Variants in IDE observed in about 807,000 individuals in gnomAD.
IDE encodes the protein insulin-degrading enzyme.
In IDE, 58 loss-of-function variants were observed where a neutral mutation model predicts 133.2. The observed-to-expected ratio is 0.44, with a 90% confidence interval of 0.35 to 0.54. The LOEUF (loss-of-function observed/expected upper bound fraction) is 0.54, where lower values mean the gene tolerates loss of function less well. Ranked by LOEUF, IDE falls within the 20% of genes least tolerant of loss-of-function variation. The pLI is 0.00. For synonymous variants in IDE, 396 were observed against 421.3 expected (o/e 0.94, Z 0.73); for missense variants, 981 against 1,234.0 (o/e 0.79, Z 3.07).
chr10:92,546,477 T>C (rs148761196), intron 1 of IDE, among the ~76,000 whole-genome samples: 12 of 152,220 alleles, frequency 7.9e-5, no homozygotes, highest in African/African-American at 2.6e-4. Context: ...CCAAAAATCA[T>C]CCTGGAAATA....
chr10:92,479,536 G>T, intron 14 of IDE, 115 bp from the exon 15 acceptor site: 1 of 787,118 alleles, frequency 1.3e-6, no homozygotes, highest in Non-Finnish European at 2.1e-6. Context: ...CTGAGGATAT[G>T]GTTGAATTCT....
chr10:92,454,345 T>C lies in IDE; in HGVS notation c.*99A>G, dbSNP rs1844880185. On this transcript the variant is annotated 3_prime_UTR_variant, in exon 25 of 25. Coordinates refer to ENST00000265986, the MANE Select transcript of IDE (RefSeq NM_004969.4). ...GACAATTTTTTGTTTGTTTCTCTAATAGTGAATCAGAAACTATTAAAGTGG... is the reference window on the plus strand; with the variant it reads ...GACAATTTTTTGTTTGTTTCTCTAACAGTGAATCAGAAACTATTAAAGTGG... The C allele has an allele frequency of 7.6e-6, 6 of 794,644 alleles. No homozygotes were observed. Among genetic ancestry groups the C allele is most frequent in the Non-Finnish European group, 1.1e-5 (5 of 458,608 alleles). 49.2% of individuals were successfully genotyped at this position (794,644 alleles called of 1,614,324 possible).
intron 17 of IDE, 100 bp downstream of exon 17, chr10:92,474,741 A>G: frequency 1.9e-6 from 2 of 1,062,120 alleles, no homozygotes; most frequent in Non-Finnish European, 2.7e-6. Flanking sequence ...TAATAGAACT[A>G]CAAGTTATTT....
intron 4 of IDE, among the ~76,000 whole-genome samples, chr10:92,520,927 G>A (rs146873455): frequency 8.7e-4 from 133 of 152,194 alleles, no homozygotes; most frequent in African/African-American, 3.1e-3. Flanking sequence ...ATGATTACAT[G>A]GACTAAAATA....
chr10:92,510,944 GAGTT>G (rs1217827049), intron 5 of IDE, among the ~76,000 whole-genome samples: 1 of 151,120 alleles, frequency 6.6e-6, no homozygotes, highest in African/African-American at 2.4e-5. Flanking sequence ...AACAAGAAAT[GAGTT>G]AGATCTTTGA....
chr10:92,550,107 G>C (rs907000252), intron 1 of IDE, among the ~76,000 whole-genome samples: 4 of 152,038 alleles, frequency 2.6e-5, no homozygotes, highest in African/African-American at 9.7e-5. Flanking sequence ...AGTGGAGGTC[G>C]CAGCAAGCTG....
intron 13 of IDE, among the ~76,000 whole-genome samples, chr10:92,484,883 C>T (rs1159312822): frequency 1.3e-5 from 2 of 151,910 alleles, no homozygotes; most frequent in African/African-American, 4.8e-5. Context: ...AGTGAGATCC[C>T]ACCTCTACAA....
rs1169779203 is a variant in IDE at position 92,572,902 on chromosome 10, C to CA, written c.98+1019dup. ...CCCATACTACCCATCTTCTGACCCT[C>CA]ATCAACACACCCTTGTAGCTATCTC... On this transcript the variant is annotated intron_variant, in intron 1 of 24. Transcript: ENST00000265986. 5.1e-6 allele frequency: 5 copies of CA among 985,216 alleles called. No individual in the cohort carries two copies. The African/African-American group carries it at 7.0e-5, about 14-fold the overall frequency. 61.0% of individuals were successfully genotyped at this position (985,216 alleles called of 1,614,324 possible).
intron 11 of IDE, among the ~76,000 whole-genome samples, chr10:92,496,883 T>G (rs182764524): frequency 6.6e-6 from 1 of 152,202 alleles, no homozygotes; most frequent in South Asian, 2.1e-4. Flanking sequence ...AACAGAATCA[T>G]TGTCCATCAT....
In IDE at chr10:92,537,558, G is replaced by A; in HGVS notation, c.99-8C>T. The A allele has an allele frequency of 6.4e-7, 1 of 1,574,348 alleles. No homozygotes were observed. On this transcript the variant is annotated splice_region_variant and splice_polypyrimidine_tract_variant and intron_variant, in intron 1 of 24. Transcript: ENST00000265986. ...TAAGTCTTTTTTTGGAAACTGAAAAGAAAGAGATTTTTAATTGTTGATTTG... is the reference window on the plus strand; with the variant it reads ...TAAGTCTTTTTTTGGAAACTGAAAAAAAAGAGATTTTTAATTGTTGATTTG...
In IDE at chr10:92,534,597, G is replaced by C. The variant is rs1056004069; in HGVS notation, c.472C>G (p.Leu158Val). 3 of 1,612,404 alleles carry C rather than the reference G, an allele frequency of 1.9e-6. No homozygotes were observed. The highest frequency in any genetic ancestry group is 2.5e-6 in the Non-Finnish European group (3 of 1,178,786). The change falls in exon 3 of 25, where the codon CTA becomes GTA. Residue 158 changes from leucine to valine, a missense_variant. Transcript: ENST00000265986. ...NYYFDVSHEH[L>V]EGALDRFAQF... The stretch of plus-strand genomic sequence containing the variant: ...CATTACCTGTCTAGGGCACCTTCTA[G>C]GTGTTCATGAGAAACATCAAAATAG...
chr10:92,483,337 C>T lies in IDE; in HGVS notation c.1657G>A (p.Asp553Asn). Residue 553 changes from aspartate (D) to asparagine (N), a missense_variant and splice_region_variant, in exon 14 of 25, where the codon GAT (aspartate) becomes AAT (asparagine). This residue lies in a region of IDE where 660 missense variants were observed against 894.7 expected (regional missense o/e 0.74). Coordinates refer to ENST00000265986, the MANE Select transcript of IDE (RefSeq NM_004969.4). Reference sequence around the variant, plus strand: ...AACCAAAGTTTGCTCATAGCTGTATCCTGTGATGGAGAAACAATTTGGTTA... The same window carrying T: ...AACCAAAGTTTGCTCATAGCTGTATTCTGTGATGGAGAAACAATTTGGTTA... ...EATPYPALIKDTAMSKLWFKQ... is the reference protein window; with the variant it reads ...EATPYPALIKNTAMSKLWFKQ... 2.5e-6 allele frequency: 4 copies of T among 1,583,392 alleles called. No individual in the cohort carries two copies. Among genetic ancestry groups the T allele is most frequent in the South Asian group, 2.2e-5 (2 of 90,050 alleles).
At chr10:92,510,763 TATGATATATAGCACATACATCTCAC>T (rs751992503) in intron 5 of IDE, among the ~76,000 whole-genome samples, 53 of 122,672 alleles carry the variant, frequency 4.3e-4, no homozygotes, top group African/African-American at 1.1e-3. Context: ...ATCTCACATA[TATGATATATAGCACATACATCTCAC>T]ATGATATATA....
At position 92,508,817 on chromosome 10, in the gene IDE, T is replaced by G. The variant is rs572543538; in HGVS notation, c.971A>C (p.Lys324Thr). 6.2e-7 allele frequency: 1 copy of G among 1,613,034 alleles called. No individual in the cohort carries two copies. The highest frequency in any genetic ancestry group is 8.5e-7 in the Non-Finnish European group (1 of 1,179,074). ...YVTFPIPDLQ[K>T]YYKSNPGHYL... ...ATGACCAGGATTTGATTTGTAGTAT[T>G]TCTGAAGGTCAGGTATGGGAAATGT... Residue 324 changes from lysine to threonine, a missense_variant, in exon 7 of 25, where the codon AAA (lysine) becomes ACA (threonine). Lys to Thr is a moderately conservative substitution (Grantham distance 78, BLOSUM62 -1). Coordinates refer to ENST00000265986, the MANE Select transcript of IDE (RefSeq NM_004969.4).
rs149993850 is a variant in IDE at position 92,571,452 on chromosome 10, C to T, written c.98+2470G>A. On this transcript the variant is annotated intron_variant, in intron 1 of 24. Transcript: ENST00000265986. ...AAAGCTTGAATGTTGATAGTCCCAA[C>T]TGACATACCACTGTTTCCTAAGCCT... Among the ~76,000 whole-genome samples, 74 of 152,326 alleles carry T rather than the reference C, an allele frequency of 4.9e-4. 1 individual carries two copies. In the East Asian group the frequency reaches 0.011, roughly 22 times the overall value.
chr10:92,474,679 T>C, intron 17 of IDE, 162 bp downstream of exon 17: 1 of 584,728 alleles, frequency 1.7e-6, no homozygotes, highest in Non-Finnish European at 3.0e-6. Flanking sequence ...TACTGTTAAC[T>C]ATAGCCATCC....
chr10:92,454,370 G>A lies in IDE; in HGVS notation c.*74C>T. 2 of 997,988 alleles carry A rather than the reference G, an allele frequency of 2.0e-6. No individual in the cohort carries two copies. Among genetic ancestry groups the A allele is most frequent in the Non-Finnish European group, 3.2e-6 (2 of 622,246 alleles). The allele number at this position is 997,988 out of a possible 1,614,324, so 61.8% of individuals were successfully genotyped here. A position where few individuals can be genotyped will look rare whatever the true frequency, so the allele number is the denominator to read the frequency against. ...TAGTGAATCAGAAACTATTAAAGTGGCCAAGATGATTTTCTTAGGCTCTGG... is the reference window on the plus strand; with the variant it reads ...TAGTGAATCAGAAACTATTAAAGTGACCAAGATGATTTTCTTAGGCTCTGG... On this transcript the variant is annotated 3_prime_UTR_variant, in exon 25 of 25. Transcript: ENST00000265986.
At chr10:92,533,703 T>TA (rs1490269791) in intron 3 of IDE, among the ~76,000 whole-genome samples, 1 of 80,096 alleles carries the variant, frequency 1.2e-5, no homozygotes, top group Non-Finnish European at 2.6e-5. Context: ...GTTAGCTGTA[T>TA]AAAAAATTGA....
intron 1 of IDE, among the ~76,000 whole-genome samples, chr10:92,568,821 A>T (rs956771393): frequency 6.7e-6 from 1 of 149,456 alleles, no homozygotes; most frequent in East Asian, 2.0e-4. Flanking sequence ...TTCTCAAAAA[A>T]AAAAATAATA....
Sources: gnomAD v4.1 joint callset for allele counts (sites outside exome capture counted in the v4.1 genomes callset) on GRCh38, gnomAD v4.1.1 for gene constraint, gnomAD v4.1.1 regional missense constraint, MANE v1.5 for transcripts, NCBI Gene and HGNC (gene_info 2026-07-23, HGNC 2026-07-21) for gene names.